Variants in CPS1 observed in about 807,000 individuals in gnomAD.
The protein encoded by CPS1 is carbamoyl-phosphate synthase 1, also known as carbamoyl-phosphate synthase [ammonia], mitochondrial.
In CPS1, 109 loss-of-function variants were observed where a neutral mutation model predicts 174.6. That is an observed-to-expected ratio of 0.62 (90% confidence interval 0.53 to 0.73). CPS1 has a LOEUF of 0.73. CPS1 is among the 30% of genes least tolerant of loss of function. The pLI is 0.00. For missense variants in CPS1, 1,689 were observed against 1,821.9 expected (o/e 0.93, Z 1.33); for synonymous variants, 637 against 632.0 (o/e 1.01, Z -0.12).
At chr2:210,540,505 T>A (rs1574504504) in intron 1 of CPS1, among the ~76,000 whole-genome samples, 1 of 152,224 alleles carries the variant, frequency 6.6e-6, no homozygotes, top group East Asian at 1.9e-4. Context: ...TACATTTCAC[T>A]GTATAATGAC....
At chr2:210,502,385 T>C (rs990366769) in intron 1 of CPS1, among the ~76,000 whole-genome samples, 1 of 146,874 alleles carries the variant, frequency 6.8e-6, no homozygotes, top group Admixed American at 6.8e-5. Context: ...ATATATTTTT[T>C]TATATATATG....
chr2:210,541,508 C>T (rs932074940), intron 1 of CPS1, among the ~76,000 whole-genome samples: 4 of 152,106 alleles, frequency 2.6e-5, no homozygotes, highest in Non-Finnish European at 5.9e-5. Flanking sequence ...ACAAACAGAA[C>T]AAACACATTT....
chr2:210,591,807 T>C, intron 9 of CPS1, 24 bp from the exon 10 acceptor site: 1 of 1,610,500 alleles, frequency 6.2e-7, no homozygotes, highest in Non-Finnish European at 8.5e-7. Flanking sequence ...CTTTTCCCTA[T>C]TCTTTTTCTC....
Position 210,533,461 on chromosome 2 carries a change from G to A in CPS1, c.4-23258G>A, listed in dbSNP as rs1696168158. 2.6e-5 allele frequency among the ~76,000 whole-genome samples: 4 copies of A among 152,064 alleles called. No homozygotes were observed. The South Asian group carries it at 8.3e-4, about 32-fold the overall frequency. On this transcript the variant is annotated intron_variant, in intron 1 of 38. Coordinates refer to the CPS1 transcript ENST00000430249. ...TCTAATTATACAGATGGAAAACTGAGGTACAAAGAGGGTAATTAGGCAATT... is the reference window on the plus strand; with the variant it reads ...TCTAATTATACAGATGGAAAACTGAAGTACAAAGAGGGTAATTAGGCAATT...
rs534595442 is a variant in CPS1 at position 210,591,901 on chromosome 2, G to A, written c.1018G>A (p.Ala340Thr). The change falls in exon 10 of 38, where the codon GCC (alanine) becomes ACC (threonine). Residue 340 changes from alanine (A) to threonine (T), a missense_variant. Ala to Thr is a moderately conservative substitution (Grantham distance 58). Transcript: ENST00000233072. The part of the protein sequence containing the change: ...AFITAQNHGY[A>T]LDNTLPAGWK... ...CATTACTGCTCAGAATCATGGCTAT[G>A]CCTTGGACAACACCCTCCCTGCTGG... 9.9e-6 allele frequency: 16 copies of A among 1,612,432 alleles called. No homozygotes were observed. Among genetic ancestry groups the A allele is most frequent in the Admixed American group, 8.4e-5 (5 of 59,832 alleles).
At position 210,497,893 on chromosome 2, in the gene CPS1, CATATATATAT is replaced by C. The variant is rs59178446; in HGVS notation, c.3+20144_3+20153del. ...TTTTTGGTAGAACAATATATACATACATATATATATATATATATATATATATCTCCAGTAA... is the reference window on the plus strand; with the variant it reads ...TTTTTGGTAGAACAATATATACATACATATATATATATATATCTCCAGTAA... On this transcript the variant is annotated intron_variant, in intron 1 of 38. Transcript: ENST00000430249. Among the ~76,000 whole-genome samples the C allele has an allele frequency of 1.5e-3, 127 of 86,942 alleles. 5 individuals carry two copies. The highest frequency in any genetic ancestry group is 0.013 in the Admixed American group (103 of 7,926). The allele number at this position is 86,942 out of a possible 152,430, so 57.0% of individuals were successfully genotyped here.
At chr2:210,509,676 G>A (rs1441388560) in intron 1 of CPS1, among the ~76,000 whole-genome samples, 46 of 152,146 alleles carry the variant, frequency 3.0e-4, no homozygotes, top group Admixed American at 3.0e-3. Flanking sequence ...GGCAACTTCA[G>A]CAAAGTCTCA....
chr2:210,619,727 T>C (rs1699440365), intron 21 of CPS1: 1 of 152,158 alleles, frequency 6.6e-6, no homozygotes, highest in African/African-American at 2.4e-5. Flanking sequence ...TAAAAATTCC[T>C]ACTCTACAGT....
At chr2:210,628,579 A>T (rs1163821411) in intron 21 of CPS1, among the ~76,000 whole-genome samples, 4 of 152,200 alleles carry the variant, frequency 2.6e-5, no homozygotes, top group Non-Finnish European at 4.4e-5. Flanking sequence ...AGACAGGCAG[A>T]TCACAAGGTC....
At position 210,562,724 on chromosome 2, in the gene CPS1, G is replaced by GA. The variant is rs368093124; in HGVS notation, c.126+5873dup. ...ATAGCCTTAGGCCTTGGTGAAAATGGAAAAAAAACATGTGGGGCCTCTACT... is the reference window on the plus strand; with the variant it reads ...ATAGCCTTAGGCCTTGGTGAAAATGGAAAAAAAAACATGTGGGGCCTCTACT... On this transcript the variant is annotated intron_variant, in intron 1 of 37. Transcript: ENST00000233072. Among the ~76,000 whole-genome samples, 322 of 151,560 alleles carry GA rather than the reference G, an allele frequency of 2.1e-3. 2 individuals carry two copies. The highest frequency in any genetic ancestry group is 7.4e-3 in the African/African-American group (304 of 41,360).
rs989785390 is a variant in CPS1 at position 210,528,257 on chromosome 2, T to C, written c.4-28462T>C. Among the ~76,000 whole-genome samples, 56 of 151,876 alleles carry C rather than the reference T, an allele frequency of 3.7e-4. 1 individual carries two copies. Among genetic ancestry groups the C allele is most frequent in the Non-Finnish European group, 5.3e-4 (36 of 67,906 alleles). On this transcript the variant is annotated intron_variant, in intron 1 of 38. Coordinates refer to the CPS1 transcript ENST00000430249. ...TTACCCCACCGCAGAAAACAGAAAC[T>C]TTTTTAGTGATCCAATTGCAGTCTC...
chr2:210,595,406 G>T, intron 12 of CPS1, 81 bp from the exon 13 acceptor site: 1 of 962,458 alleles, frequency 1.0e-6, no homozygotes. Flanking sequence ...AGACAATGTG[G>T]TTTGTCTTCT....
chr2:210,550,196 G>C (rs1253106669), intron 1 of CPS1, among the ~76,000 whole-genome samples: 1 of 151,856 alleles, frequency 6.6e-6, no homozygotes, highest in Non-Finnish European at 1.5e-5. Context: ...CTGTCTCATT[G>C]TTCAGTTTTT....
chr2:210,556,720 C>T lies in CPS1; in HGVS notation c.-14C>T. The T allele has an allele frequency of 1.9e-6, 3 of 1,575,932 alleles. No individual in the cohort carries two copies. The highest frequency in any genetic ancestry group is 2.6e-6 in the Non-Finnish European group (3 of 1,167,506). On this transcript the variant is annotated 5_prime_UTR_variant, in exon 1 of 38. Transcript: ENST00000233072. Reference sequence around the variant, plus strand: ...TTATGTAATTTCATTTAATTTTAGCCACAAATCATCAAAATGACGAGGATT... The same window carrying T: ...TTATGTAATTTCATTTAATTTTAGCTACAAATCATCAAAATGACGAGGATT...
At chr2:210,675,580 TC>T (rs1287531086) in intron 35 of CPS1, 147 bp from the exon 36 acceptor site, 4 of 698,144 alleles carry the variant, frequency 5.7e-6, no homozygotes, top group East Asian at 2.7e-5. Context: ...TGCCCATGCC[TC>T]TGGACTGTGA....
intron 33 of CPS1, among the ~76,000 whole-genome samples, chr2:210,664,089 C>G (rs1701011213): frequency 6.6e-6 from 1 of 152,056 alleles, no homozygotes; most frequent in African/African-American, 2.4e-5. Context: ...AATGGCTGTC[C>G]TGTTTGTATT....
intron 19 of CPS1, among the ~76,000 whole-genome samples, chr2:210,610,768 T>A (rs374821758): frequency 6.6e-6 from 1 of 151,682 alleles, no homozygotes; most frequent in African/African-American, 2.4e-5. Flanking sequence ...AGCAAAAATA[T>A]ATAGAGAGAG....
chr2:210,633,686 C>T (rs193005746), intron 21 of CPS1, among the ~76,000 whole-genome samples: 10 of 152,200 alleles, frequency 6.6e-5, no homozygotes, highest in Middle Eastern at 3.4e-3. Context: ...AACAACATAG[C>T]GACCTTTGAA....
chr2:210,649,732 C>G (rs1031882446), intron 27 of CPS1, among the ~76,000 whole-genome samples: 2 of 152,230 alleles, frequency 1.3e-5, no homozygotes, highest in South Asian at 2.1e-4. Flanking sequence ...GTTACTCCTC[C>G]TCTCCTACCC....
Sources: gnomAD v4.1 joint callset for allele counts (sites outside exome capture counted in the v4.1 genomes callset) on GRCh38, gnomAD v4.1.1 for gene constraint, MANE v1.5 for transcripts, NCBI Gene and HGNC (gene_info 2026-07-23, HGNC 2026-07-21) for gene names.